FRMPD1: variants seen among roughly 807,000 people sequenced by gnomAD.
FRMPD1 encodes FERM and PDZ domain containing 1.
A neutral mutation model predicts 117.8 loss-of-function variants in FRMPD1; 76 were observed. That is an observed-to-expected ratio of 0.65 (90% CI 0.54 to 0.78). FRMPD1 has a LOEUF of 0.78. Ranked by LOEUF, FRMPD1 falls within the 30% of genes least tolerant of loss-of-function variation. The pLI, the probability that FRMPD1 is intolerant of heterozygous loss-of-function variation, is 0.00. For missense variants in FRMPD1, 1,786 were observed against 1,964.5 expected (o/e 0.91, Z 1.72); for synonymous variants, 783 against 770.4 (o/e 1.02, Z -0.27).
the FRMPD1 span, among the ~76,000 whole-genome samples, chr9:37,613,391 T>C: frequency 6.6e-6 from 1 of 152,232 alleles, no homozygotes; most frequent in East Asian, 1.9e-4. Flanking sequence ...AAGTTAATGT[T>C]ACCCTTTGAG....
At chr9:37,705,226 G>A (rs532448471) in intron 2 of FRMPD1, among the ~76,000 whole-genome samples, 8 of 152,084 alleles carry the variant, frequency 5.3e-5, no homozygotes, top group African/African-American at 1.9e-4. Context: ...AAATAATAAG[G>A]TGGTACTTTT....
At chr9:37,623,217 C>T in the FRMPD1 span, among the ~76,000 whole-genome samples, 10 of 152,180 alleles carry the variant, frequency 6.6e-5, no homozygotes, top group Admixed American at 3.9e-4. Flanking sequence ...CCACTCTATG[C>T]TGTGTCCTGT....
chr9:37,730,126 A>G (rs1186274471), intron 8 of FRMPD1, among the ~76,000 whole-genome samples: 1 of 152,154 alleles, frequency 6.6e-6, no homozygotes, highest in Admixed American at 6.5e-5. Context: ...GACTTTCTCA[A>G]GGTAACACAG....
chr9:37,664,627 G>A (rs6476657), intron 1 of FRMPD1, among the ~76,000 whole-genome samples: 41,682 of 151,950 alleles, frequency 0.27, 7,848 homozygotes, highest in African/African-American at 0.52. Context: ...AGCTTCATCC[G>A]AGGACATCAA....
At chr9:37,709,854 C>A (rs1386656347) in intron 4 of FRMPD1, among the ~76,000 whole-genome samples, 1 of 152,188 alleles carries the variant, frequency 6.6e-6, no homozygotes, top group Admixed American at 6.5e-5. Context: ...TGAATGCCAG[C>A]ACAGCATGTT....
At chr9:37,646,319 T>C (rs1191799257), upstream of FRMPD1, among the ~76,000 whole-genome samples, 1 of 152,176 alleles carries the variant, frequency 6.6e-6, no homozygotes, top group East Asian at 1.9e-4. Flanking sequence ...CACTCAACAA[T>C]GTTGACTGAA....
intron 1 of FRMPD1, among the ~76,000 whole-genome samples, chr9:37,674,110 CTT>C (rs1821445737): frequency 1.3e-5 from 2 of 152,190 alleles, no homozygotes; most frequent in Admixed American, 1.3e-4. Flanking sequence ...ATTTTCTGAA[CTT>C]TTATACTCTG....
chr9:37,697,559 T>G (rs1822368370), intron 2 of FRMPD1, among the ~76,000 whole-genome samples: 1 of 151,282 alleles, frequency 6.6e-6, no homozygotes. Flanking sequence ...AGAGCAAGAC[T>G]CTGTCTCAAA....
At chr9:37,701,288 C>T (rs1006321867) in intron 2 of FRMPD1, among the ~76,000 whole-genome samples, 1 of 152,184 alleles carries the variant, frequency 6.6e-6, no homozygotes, top group African/African-American at 2.4e-5. Context: ...TACTCTATGG[C>T]TGGTACTGAG....
chr9:37,679,855 TCAG>T lies in FRMPD1; in HGVS notation c.-4-12779_-4-12777del, dbSNP rs996583287. On this transcript the variant is annotated intron_variant, in intron 1 of 15. Coordinates refer to ENST00000377765, the MANE Select transcript of FRMPD1 (RefSeq NM_014907.3). ...AAGGGGTTCAGCAGCCGCAGCTGAC[TCAG>T]CAGTGTCATTTGCCATCCATCACTG... 4.0e-4 allele frequency among the ~76,000 whole-genome samples: 61 copies of T among 152,340 alleles called. 1 individual carries two copies. The highest frequency in any genetic ancestry group is 1.4e-3 in the African/African-American group (59 of 41,574).
intron 2 of FRMPD1, among the ~76,000 whole-genome samples, chr9:37,704,655 G>GAT (rs35796066): frequency 0.016 from 2,434 of 149,262 alleles, 35 homozygotes; most frequent in African/African-American, 0.038. Context: ...GGTTGAGTGA[G>GAT]ATATATATAT....
rs943153198 is a variant in FRMPD1, at chr9:37,732,248, AG to A, written c.859-52del. 14 of 1,588,240 alleles carry A rather than the reference AG, an allele frequency of 8.8e-6. No individual in the cohort carries two copies. The African/African-American group carries it at 1.9e-4, about 21-fold the overall frequency. ...CTGCTGCCTTTCACCCGAGAGAACG[AG>A]GGGACACAGTATGTCTGCTTTTGTT... is the stretch of plus-strand genomic sequence containing the variant. On this transcript the variant is annotated intron_variant, in intron 9 of 15. Coordinates refer to ENST00000377765, the MANE Select transcript of FRMPD1 (RefSeq NM_014907.3).
At chr9:37,698,329 T>C (rs1240189851) in intron 2 of FRMPD1, among the ~76,000 whole-genome samples, 1 of 152,136 alleles carries the variant, frequency 6.6e-6, no homozygotes, top group Non-Finnish European at 1.5e-5. Context: ...TCCAAATTAG[T>C]AAGTAGTCAT....
At chr9:37,604,563 C>A in the FRMPD1 span, among the ~76,000 whole-genome samples, 1 of 152,310 alleles carries the variant, frequency 6.6e-6, no homozygotes, top group African/African-American at 2.4e-5. Flanking sequence ...TCTGGTCCTC[C>A]TTCTGTGTGG....
chr9:37,614,429 G>C, the FRMPD1 span, among the ~76,000 whole-genome samples: 1 of 152,224 alleles, frequency 6.6e-6, no homozygotes, highest in Non-Finnish European at 1.5e-5. Context: ...CTTTGCCACA[G>C]AGGGAATCCC....
the FRMPD1 span, among the ~76,000 whole-genome samples, chr9:37,625,134 G>A: frequency 6.6e-6 from 1 of 152,174 alleles, no homozygotes; most frequent in East Asian, 1.9e-4. Flanking sequence ...TCATCTGAAT[G>A]CACTAGTTTC....
In FRMPD1 at chr9:37,740,868, C is replaced by T; in HGVS notation, c.2340C>T (p.Pro780=). The change falls in exon 15 of 16, where the codon CCC becomes CCT. Residue 780 remains proline, a synonymous_variant. Coordinates refer to ENST00000377765, the MANE Select transcript of FRMPD1 (RefSeq NM_014907.3). This position sits in a 1 kb window ranked among gnomAD's most constrained non-coding sequence, Gnocchi z 4.2. ...ATGACGCGGCTGATAAGCTCACTCC[C>T]CCAGGCCCCCCGTCAGGTGAGCCGT... ...EYYDAADKLT[P]PGPPSGPRDV... is the part of the protein sequence containing the mutation. 1 of 1,613,958 alleles carries T rather than the reference C, an allele frequency of 6.2e-7. No individual in the cohort carries two copies. The highest frequency in any genetic ancestry group is 8.5e-7 in the Non-Finnish European group (1 of 1,179,804).
At chr9:37,605,821 C>T in the FRMPD1 span, among the ~76,000 whole-genome samples, 1 of 151,896 alleles carries the variant, frequency 6.6e-6, no homozygotes, top group Non-Finnish European at 1.5e-5. Flanking sequence ...CTGAAGGGAT[C>T]CTCCCACCTC....
At chr9:37,646,234 A>T (rs1490874192), upstream of FRMPD1, among the ~76,000 whole-genome samples, 1 of 152,232 alleles carries the variant, frequency 6.6e-6, no homozygotes, top group Non-Finnish European at 1.5e-5. Flanking sequence ...GTGGTGTAAT[A>T]ACACTCTCTT....
Sources: gnomAD v4.1 joint callset for allele counts (sites outside exome capture counted in the v4.1 genomes callset) on GRCh38, gnomAD v4.1.1 for gene constraint, Gnocchi (gnomAD v3.1) non-coding constraint, MANE v1.5 for transcripts, NCBI Gene and HGNC (gene_info 2026-07-23, HGNC 2026-07-21) for gene names.